SEC62: variants seen among roughly 807,000 people sequenced by gnomAD.
SEC62 encodes SEC62 preprotein translocation factor, also known as translocation protein SEC62.
A neutral mutation model predicts 47.5 loss-of-function variants in SEC62; 10 were observed. The observed-to-expected ratio is 0.21, with a 90% CI of 0.13 to 0.36. SEC62 has a LOEUF of 0.36. Ranked by LOEUF, SEC62 falls within the 10% of genes least tolerant of loss-of-function variation. SEC62 has a pLI of 1.00. For synonymous variants in SEC62, 136 were observed against 150.5 expected (o/e 0.90, Z 0.71); for missense variants, 327 against 464.1 (o/e 0.70, Z 2.71).
chr3:169,983,062 T>C, intron 4 of SEC62, 99 bp from the exon 5 acceptor site: 2 of 1,454,828 alleles, frequency 1.4e-6, no homozygotes, highest in Non-Finnish European at 1.9e-6. Context: ...AATTTTTATT[T>C]CTGTGTTACA....
intron 7 of SEC62, among the ~76,000 whole-genome samples, chr3:169,991,798 C>A (rs989420081): frequency 6.6e-6 from 1 of 152,138 alleles, no homozygotes; most frequent in Non-Finnish European, 1.5e-5. Flanking sequence ...GCATAGTAAA[C>A]GTGTGCCTTG....
chr3:169,975,361 A>G (rs1475679153), intron 1 of SEC62: 2 of 324,258 alleles, frequency 6.2e-6, no homozygotes, highest in Admixed American at 4.2e-5. Flanking sequence ...AAACAACTCA[A>G]ATGCCTCATA....
Position 169,996,335 on chromosome 3 carries a change from A to C in SEC62, c.*3272A>C, listed in dbSNP as rs1715374762. On this transcript the variant is annotated 3_prime_UTR_variant, in exon 8 of 8. Coordinates refer to ENST00000337002, the MANE Select transcript of SEC62 (RefSeq NM_003262.4). ...AATAATTCCTCCTAATTGTGTGGTA[A>C]TTTGCTTTTACTGTTTCCACAGTAT... The C allele has an allele frequency of 6.6e-6, 1 of 152,584 alleles. No individual in the cohort carries two copies. Among genetic ancestry groups the C allele is most frequent in the South Asian group, 2.1e-4 (1 of 4,834 alleles). The allele number at this position is 152,584 out of a possible 1,614,324, so 9.5% of individuals were successfully genotyped here.
At chr3:169,972,470 A>G (rs2108280106) in intron 1 of SEC62, among the ~76,000 whole-genome samples, 2 of 152,074 alleles carry the variant, frequency 1.3e-5, no homozygotes, top group South Asian at 4.1e-4. Flanking sequence ...GCTGGAGTGC[A>G]GTGGCATGAT....
chr3:169,971,469 G>A (rs888797587), intron 1 of SEC62, among the ~76,000 whole-genome samples: 5 of 152,170 alleles, frequency 3.3e-5, no homozygotes, highest in South Asian at 2.1e-4. Context: ...CTACAATATG[G>A]ATAAGTTATT....
chr3:169,972,903 A>G (rs1714733756), intron 1 of SEC62, among the ~76,000 whole-genome samples: 2 of 152,292 alleles, frequency 1.3e-5, no homozygotes, highest in South Asian at 2.1e-4. Context: ...AACAGGTCAC[A>G]TTTATTCAGA....
intron 5 of SEC62, 44 bp downstream of exon 5, chr3:169,983,297 T>G: frequency 7.3e-7 from 1 of 1,363,230 alleles, no homozygotes; most frequent in Non-Finnish European, 1.0e-6. Flanking sequence ...TCTATAGGAG[T>G]TTTTAGAAAG....
At chr3:169,971,985 C>G (rs1404917199) in intron 1 of SEC62, among the ~76,000 whole-genome samples, 3 of 152,162 alleles carry the variant, frequency 2.0e-5, no homozygotes, top group Non-Finnish European at 4.4e-5. Context: ...TCATTGAGTT[C>G]TATGTGTTCT....
At chr3:169,983,074 A>G in intron 4 of SEC62, 87 bp from the exon 5 acceptor site, 1 of 1,449,582 alleles carries the variant, frequency 6.9e-7, no homozygotes, top group Non-Finnish European at 9.4e-7. Context: ...TGTGTTACAA[A>G]TAGTCAGTGA....
At chr3:169,967,437 T>G (rs1714561318) in intron 1 of SEC62, among the ~76,000 whole-genome samples, 1 of 152,204 alleles carries the variant, frequency 6.6e-6, no homozygotes, top group Admixed American at 6.5e-5. Flanking sequence ...CTTCTTTCCC[T>G]TCAATATTAT....
intron 6 of SEC62, among the ~76,000 whole-genome samples, chr3:169,986,795 A>G (rs1281865133): frequency 6.6e-6 from 1 of 152,102 alleles, no homozygotes; most frequent in African/African-American, 2.4e-5. Context: ...TGGCACAATC[A>G]TGGCTCACTG....
rs1195284392 is a variant in SEC62, at chr3:169,988,292, A to G, written c.663A>G (p.Arg221=). ...TLFPLWPAEM[R]VGVYYLSVGA... ...TCCCCCTTTGGCCAGCAGAAATGAG[A>G]GTAGGTGTTTATTACCTCAGTGTGG... The change falls in exon 7 of 8, where the codon AGA becomes AGG. Residue 221 remains arginine (R), a synonymous_variant. Transcript: ENST00000337002. The G allele has an allele frequency of 6.2e-7, 1 of 1,613,910 alleles. No homozygotes were observed. Among genetic ancestry groups the G allele is most frequent in the Non-Finnish European group, 8.5e-7 (1 of 1,179,890 alleles).
rs1276164718 is a variant in SEC62 at position 169,997,918 on chromosome 3, A to G, written c.*4855A>G. On this transcript the variant is annotated 3_prime_UTR_variant, in exon 8 of 8. Transcript: ENST00000337002. Reference sequence around the variant, plus strand: ...TCTACGAGTGGATGTAATAACTGCTATGATGTTGAAGTAGCATAAAACATA... The same window carrying G: ...TCTACGAGTGGATGTAATAACTGCTGTGATGTTGAAGTAGCATAAAACATA... The G allele has an allele frequency of 1.3e-5, 2 of 152,234 alleles. No individual in the cohort carries two copies. The highest frequency in any genetic ancestry group is 4.8e-5 in the African/African-American group (2 of 41,456). 9.4% of individuals were successfully genotyped at this position (152,234 alleles called of 1,614,324 possible).
intron 1 of SEC62, among the ~76,000 whole-genome samples, chr3:169,971,148 A>G (rs545228617): frequency 2.6e-5 from 4 of 151,556 alleles, no homozygotes; most frequent in African/African-American, 7.3e-5. Context: ...ATAGCTCACT[A>G]GAGACTCAAA....
At chr3:169,971,793 G>GTAGAT (rs1347334486) in intron 1 of SEC62, among the ~76,000 whole-genome samples, 1 of 152,206 alleles carries the variant, frequency 6.6e-6, no homozygotes, top group Non-Finnish European at 1.5e-5. Flanking sequence ...TCAGCAGTCA[G>GTAGAT]TAGATTAGTA....
intron 7 of SEC62, among the ~76,000 whole-genome samples, chr3:169,989,854 C>G (rs1169442767): frequency 6.6e-6 from 1 of 151,244 alleles, no homozygotes; most frequent in Non-Finnish European, 1.5e-5. Flanking sequence ...TTTTGATTCT[C>G]TTAGAAAATG....
chr3:169,984,479 T>C (rs987249144), intron 5 of SEC62, among the ~76,000 whole-genome samples: 90 of 152,142 alleles, frequency 5.9e-4, no homozygotes, highest in African/African-American at 2.0e-3. Context: ...AGCTTAGACT[T>C]GAAGATGACT....
intron 3 of SEC62, among the ~76,000 whole-genome samples, chr3:169,982,394 GAT>G (rs745893856): frequency 1.3e-5 from 2 of 152,092 alleles, no homozygotes; most frequent in Non-Finnish European, 2.9e-5. Flanking sequence ...GCTGAGTCTT[GAT>G]TATATGAACC....
chr3:169,966,846 G>A lies in SEC62; in HGVS notation c.24G>A (p.Lys8=), dbSNP rs1253544090. ...ACATGGCGGAACGCAGGAGACACAA[G>A]AAGCGGATCCAGGTAGCAAAGCCGA... MAERRRH[K]KRIQEVGEPS... is the part of the protein sequence containing the mutation. The change falls in exon 1 of 8, where the codon AAG becomes AAA. Residue 8 remains lysine, a synonymous_variant. Transcript: ENST00000337002. 3.9e-6 allele frequency: 6 copies of A among 1,556,480 alleles called. No homozygotes were observed. The highest frequency in any genetic ancestry group is 5.2e-6 in the Non-Finnish European group (6 of 1,149,880).
Sources: gnomAD v4.1 joint callset for allele counts (sites outside exome capture counted in the v4.1 genomes callset) on GRCh38, gnomAD v4.1.1 for gene constraint, MANE v1.5 for transcripts, NCBI Gene and HGNC (gene_info 2026-07-23, HGNC 2026-07-21) for gene names.